KCNIP4: variants seen among roughly 807,000 people sequenced by gnomAD.
The protein encoded by KCNIP4 is Kv channel-interacting protein 4.
KCNIP4 carries 12 observed loss-of-function variants against 34.0 expected under a neutral mutation model. The observed-to-expected ratio is 0.35, with a 90% CI of 0.23 to 0.57. The LOEUF is 0.57. KCNIP4 is among the 20% of genes least tolerant of loss of function. KCNIP4 has a pLI of 0.83. For missense variants in KCNIP4, 238 were observed against 311.7 expected, an observed-to-expected ratio of 0.76 and a Z score of 1.78; for synonymous variants, 124 against 102.2, an observed-to-expected ratio of 1.21 and a Z score of -1.29.
At chr4:21,333,097 A>T (rs1715816129) in intron 1 of KCNIP4, among the ~76,000 whole-genome samples, 1 of 152,018 alleles carries the variant, frequency 6.6e-6, no homozygotes, top group Non-Finnish European at 1.5e-5. Flanking sequence ...TTATCTGGTC[A>T]TGCTCTTGAA....
At chr4:20,910,689 T>C (rs1728241939) in intron 1 of KCNIP4, among the ~76,000 whole-genome samples, 1 of 152,208 alleles carries the variant, frequency 6.6e-6, no homozygotes, top group African/African-American at 2.4e-5. Flanking sequence ...ATGTACAATG[T>C]CTTACCAAGG....
chr4:21,457,976 T>C (rs1489168479), intron 1 of KCNIP4, among the ~76,000 whole-genome samples: 1 of 151,974 alleles, frequency 6.6e-6, no homozygotes, highest in Non-Finnish European at 1.5e-5. Context: ...AATCCATCTT[T>C]TATACTGATG....
At chr4:20,748,583 T>TTCCATAAGTAA (rs1560431133) in intron 5 of KCNIP4, among the ~76,000 whole-genome samples, 1 of 93,990 alleles carries the variant, frequency 1.1e-5, no homozygotes, top group Non-Finnish European at 2.5e-5. Flanking sequence ...TATATATATA[T>TTCCATAAGTAA]ATATATATAT....
At chr4:21,408,040 C>T (rs1383353881) in intron 1 of KCNIP4, among the ~76,000 whole-genome samples, 1 of 152,132 alleles carries the variant, frequency 6.6e-6, no homozygotes, top group African/African-American at 2.4e-5. Context: ...TAGAAAATAG[C>T]TCAAAACACA....
chr4:21,913,978 C>T (rs959070832), intron 1 of KCNIP4, among the ~76,000 whole-genome samples: 2 of 152,088 alleles, frequency 1.3e-5, no homozygotes, highest in Admixed American at 1.3e-4. Context: ...TCAGGAACCA[C>T]ACCCCCAAGG....
intron 1 of KCNIP4, among the ~76,000 whole-genome samples, chr4:21,750,609 C>T (rs1464793572): frequency 6.6e-6 from 1 of 152,144 alleles, no homozygotes. Context: ...ACCATTTATT[C>T]AGCATTTACT....
intron 1 of KCNIP4, among the ~76,000 whole-genome samples, chr4:21,288,067 G>T (rs1763224848): frequency 6.6e-6 from 1 of 152,126 alleles, no homozygotes; most frequent in Non-Finnish European, 1.5e-5. Context: ...TACTGGAGAA[G>T]ACAGGTATTT....
chr4:21,038,250 C>A (rs1375523227), intron 1 of KCNIP4, among the ~76,000 whole-genome samples: 1 of 152,254 alleles, frequency 6.6e-6, no homozygotes, highest in African/African-American at 2.4e-5. Context: ...GCTGGGATTA[C>A]AGGCGTGAGC....
intron 1 of KCNIP4, among the ~76,000 whole-genome samples, chr4:21,842,279 A>C (rs1170107995): frequency 2.6e-5 from 4 of 152,112 alleles, no homozygotes; most frequent in African/African-American, 9.7e-5. Flanking sequence ...CTTATTACTA[A>C]TTTGACATAC....
chr4:21,839,951 C>G (rs183477663), intron 1 of KCNIP4, among the ~76,000 whole-genome samples: 1 of 152,010 alleles, frequency 6.6e-6, no homozygotes, highest in Non-Finnish European at 1.5e-5. Context: ...CCTCCCCACC[C>G]TACATCTTGC....
At chr4:20,945,805 G>A (rs367776344) in intron 1 of KCNIP4, among the ~76,000 whole-genome samples, 3 of 152,160 alleles carry the variant, frequency 2.0e-5, no homozygotes, top group South Asian at 2.1e-4. Flanking sequence ...TGAGATCAAC[G>A]GGTTTTATTT....
intron 1 of KCNIP4, among the ~76,000 whole-genome samples, chr4:21,681,411 G>A (rs1430055946): frequency 1.3e-5 from 2 of 151,870 alleles, no homozygotes; most frequent in Non-Finnish European, 2.9e-5. Flanking sequence ...CCAGCCAGGG[G>A]CTTCTTCATC....
intron 1 of KCNIP4, among the ~76,000 whole-genome samples, chr4:21,122,695 G>C (rs1275776695): frequency 2.0e-5 from 3 of 152,116 alleles, no homozygotes; most frequent in Non-Finnish European, 4.4e-5. Flanking sequence ...CGAGAATGAG[G>C]ATGAGGAAGT....
intron 1 of KCNIP4, among the ~76,000 whole-genome samples, chr4:21,729,193 T>C (rs1380269): frequency 0.3 from 46,341 of 152,006 alleles, 8,213 homozygotes; most frequent in East Asian, 0.68. Context: ...TACAGATGTA[T>C]ATTTGAATAG....
chr4:21,227,978 T>C (rs1758526842), intron 1 of KCNIP4, among the ~76,000 whole-genome samples: 1 of 152,334 alleles, frequency 6.6e-6, no homozygotes, highest in Non-Finnish European at 1.5e-5. Flanking sequence ...TGTACAGTGA[T>C]ACTTTTGTAA....
chr4:21,684,677 T>A (rs1038322468), intron 1 of KCNIP4, among the ~76,000 whole-genome samples: 1 of 152,178 alleles, frequency 6.6e-6, no homozygotes, highest in Non-Finnish European at 1.5e-5. Flanking sequence ...CTTTTTAAAA[T>A]TATTATTATA....
chr4:21,060,472 C>T (rs375733877), intron 1 of KCNIP4, among the ~76,000 whole-genome samples: 24 of 152,278 alleles, frequency 1.6e-4, no homozygotes, highest in African/African-American at 4.1e-4. Context: ...AAGGCCATTG[C>T]ATTCCTCAGT....
At chr4:21,341,394 A>G (rs1374273625) in intron 1 of KCNIP4, among the ~76,000 whole-genome samples, 1 of 152,176 alleles carries the variant, frequency 6.6e-6, no homozygotes, top group East Asian at 1.9e-4. Context: ...TTAAGGTGAT[A>G]CCATCTCCAC....
At chr4:21,389,053 A>C (rs931355879) in intron 1 of KCNIP4, among the ~76,000 whole-genome samples, 1 of 151,788 alleles carries the variant, frequency 6.6e-6, no homozygotes, top group Non-Finnish European at 1.5e-5. Context: ...GGCACAATCA[A>C]GGCTCATTGC....
Sources: allele counts gnomAD v4.1 joint callset (sites outside exome capture counted in the v4.1 genomes callset), GRCh38; gene constraint gnomAD v4.1.1; transcripts MANE v1.5; gene names NCBI Gene and HGNC (gene_info 2026-07-23, HGNC 2026-07-21).